PCNX2: variants seen among roughly 807,000 people sequenced by gnomAD.
PCNX2 encodes pecanex-like protein 2.
In PCNX2, 168 loss-of-function variants were observed where a neutral mutation model predicts 223.8. The ratio of observed to expected loss-of-function variants is 0.75; its 90% CI spans 0.66 to 0.85. PCNX2 has a LOEUF of 0.85. Among genes scored for constraint, PCNX2 ranks in the 40% least tolerant of loss-of-function variants. The probability of loss-of-function intolerance (pLI) is 0.00; values close to 1 mark genes in which losing one functional copy is unlikely to be tolerated. For missense variants in PCNX2, 2,507 were observed against 2,675.5 expected, an observed-to-expected ratio of 0.94 and a Z score of 1.39; for synonymous variants, 1,006 against 1,052.6, an observed-to-expected ratio of 0.96 and a Z score of 0.86.
At chr1:233,269,621 T>C (rs1402171942) in intron 1 of PCNX2, among the ~76,000 whole-genome samples, 1 of 152,212 alleles carries the variant, frequency 6.6e-6, no homozygotes, top group Non-Finnish European at 1.5e-5. Context: ...CCCATCAATG[T>C]GGTTAAAGTA....
intron 15 of PCNX2, among the ~76,000 whole-genome samples, chr1:233,179,577 TAA>T (rs1188590309): frequency 1.3e-5 from 2 of 152,182 alleles, no homozygotes; most frequent in Non-Finnish European, 2.9e-5. Context: ...AAAAATGACA[TAA>T]GAGATTAAAT....
intron 6 of PCNX2, 45 bp from the exon 7 acceptor site, chr1:233,252,544 C>T (rs1358942003): frequency 1.3e-6 from 2 of 1,588,744 alleles, no homozygotes; most frequent in East Asian, 4.5e-5. Context: ...AGAAGTTCCT[C>T]CTTATCCTTG....
chr1:233,105,678 T>C (rs940243235), intron 21 of PCNX2, among the ~76,000 whole-genome samples: 5 of 152,164 alleles, frequency 3.3e-5, no homozygotes, highest in Admixed American at 1.3e-4. Flanking sequence ...GTAGGCTACT[T>C]AGGCAAGTAA....
intron 15 of PCNX2, among the ~76,000 whole-genome samples, chr1:233,196,224 C>A (rs1057407584): frequency 6.6e-6 from 1 of 151,854 alleles, no homozygotes; most frequent in African/African-American, 2.4e-5. Flanking sequence ...GATTTCAAAT[C>A]TAAATATAAG....
chr1:233,282,471 G>A (rs1661241371), intron 1 of PCNX2, among the ~76,000 whole-genome samples: 1 of 152,072 alleles, frequency 6.6e-6, no homozygotes, highest in African/African-American at 2.4e-5. Flanking sequence ...TGTAAAACTA[G>A]GTGTTCGGTT....
Position 233,000,141 on chromosome 1 carries a change from C to T in PCNX2, c.5328+164G>A, listed in dbSNP as rs1007957474. On this transcript the variant is annotated intron_variant, in intron 30 of 33. Coordinates refer to ENST00000258229, the MANE Select transcript of PCNX2 (RefSeq NM_014801.4). This position sits in a 1 kb window ranked among gnomAD's most constrained non-coding sequence, Gnocchi z 4.6. ...ACAGCACCCAGCCTGGCACCATGCC[C>T]TGCCCCACTTGCCAGCCAGCGCTCC... Among the ~76,000 whole-genome samples the T allele has an allele frequency of 3.9e-5, 6 of 152,186 alleles. No individual in the cohort carries two copies. The highest frequency in any genetic ancestry group is 1.4e-4 in the African/African-American group (6 of 41,452).
At chr1:233,112,713 A>AGCCGTCT in intron 21 of PCNX2, 1 of 560,246 alleles carries the variant, frequency 1.8e-6, no homozygotes, top group South Asian at 6.7e-5. Context: ...AGATCTTTGA[A>AGCCGTCT]CAATATAACT....
At chr1:233,079,472 G>T (rs1239301781) in intron 23 of PCNX2, among the ~76,000 whole-genome samples, 1 of 148,612 alleles carries the variant, frequency 6.7e-6, no homozygotes, top group Non-Finnish European at 1.5e-5. Context: ...AGGTTGCAAT[G>T]AGCCGAGATC....
chr1:232,992,897 C>T (rs942344361), intron 32 of PCNX2, among the ~76,000 whole-genome samples: 18 of 152,228 alleles, frequency 1.2e-4, no homozygotes, highest in African/African-American at 4.3e-4. Flanking sequence ...CACCTTGCTT[C>T]CCCTTCGCCT....
At chr1:233,073,895 T>C (rs953802560) in intron 23 of PCNX2, among the ~76,000 whole-genome samples, 2 of 152,186 alleles carry the variant, frequency 1.3e-5, no homozygotes, top group Non-Finnish European at 2.9e-5. Context: ...GCTGCAGTTA[T>C]AGGCATGAAC....
upstream of PCNX2, among the ~76,000 whole-genome samples, chr1:233,299,909 T>C (rs1662232909): frequency 6.6e-6 from 1 of 152,178 alleles, no homozygotes; most frequent in Non-Finnish European, 1.5e-5. Flanking sequence ...TTAGATTCTT[T>C]CCATCACATT....
chr1:233,236,125 TG>T (rs1192265988), intron 9 of PCNX2, among the ~76,000 whole-genome samples: 65 of 151,820 alleles, frequency 4.3e-4, no homozygotes, highest in Non-Finnish European at 7.1e-4. Context: ...TCTGTACCAA[TG>T]GAAACCAATC....
intron 28 of PCNX2, among the ~76,000 whole-genome samples, chr1:233,003,334 G>A (rs1670160084): frequency 2.0e-5 from 3 of 152,182 alleles, no homozygotes; most frequent in South Asian, 2.1e-4. Context: ...ATCAAAAAGT[G>A]AGCAAAGGAT....
chr1:233,072,910 C>T (rs1672920297), intron 23 of PCNX2, among the ~76,000 whole-genome samples: 1 of 152,152 alleles, frequency 6.6e-6, no homozygotes, highest in Non-Finnish European at 1.5e-5. Context: ...AGTTAGGAAT[C>T]GTTCCTTTCT....
chr1:233,135,870 G>T (rs1377115582), intron 20 of PCNX2, among the ~76,000 whole-genome samples: 1 of 152,122 alleles, frequency 6.6e-6, no homozygotes, highest in South Asian at 2.1e-4. Context: ...CATAGAATGG[G>T]CCTTTTCAGT....
intron 17 of PCNX2, among the ~76,000 whole-genome samples, chr1:233,173,526 T>G (rs762752145): frequency 2.6e-5 from 4 of 152,212 alleles, no homozygotes; most frequent in Non-Finnish European, 5.9e-5. Context: ...CTTTCTCAAG[T>G]TTTTAAAAAC....
intron 21 of PCNX2, among the ~76,000 whole-genome samples, chr1:233,113,706 C>A (rs1314148756): frequency 6.6e-6 from 1 of 152,194 alleles, no homozygotes; most frequent in Non-Finnish European, 1.5e-5. Context: ...AGGCATAGTG[C>A]AGAGCTTGTG....
At chr1:233,076,322 C>T (rs1673094947) in intron 23 of PCNX2, among the ~76,000 whole-genome samples, 1 of 152,114 alleles carries the variant, frequency 6.6e-6, no homozygotes, top group African/African-American at 2.4e-5. Context: ...TCAAGATGAA[C>T]CGGGCTTTTG....
chr1:232,998,567 G>A (rs1558151254), intron 31 of PCNX2, 129 bp from the exon 32 acceptor site: 6 of 903,996 alleles, frequency 6.6e-6, no homozygotes, highest in Middle Eastern at 2.2e-4. Context: ...CACCTGGCAT[G>A]CTGGTGGGAA....
Sources: allele counts gnomAD v4.1 joint callset (sites outside exome capture counted in the v4.1 genomes callset), GRCh38; gene constraint gnomAD v4.1.1; non-coding constraint Gnocchi (gnomAD v3.1); transcripts MANE v1.5; gene names NCBI Gene and HGNC (gene_info 2026-07-23, HGNC 2026-07-21).